The following PREX1 variants were observed in gnomAD, a reference collection of about 807,000 sequenced individuals.
The protein encoded by PREX1 is phosphatidylinositol 3,4,5-trisphosphate-dependent Rac exchanger 1 protein.
PREX1 carries 41 observed loss-of-function variants against 198.3 expected under a neutral mutation model. That is an observed-to-expected ratio of 0.21 (90% CI 0.16 to 0.27). PREX1 has a LOEUF of 0.27. Among genes scored for constraint, PREX1 ranks in the 10% least tolerant of loss-of-function variants. The pLI is 1.00. For missense variants in PREX1, 1,620 were observed against 2,200.7 expected, an observed-to-expected ratio of 0.74 and a Z score of 5.28; for synonymous variants, 843 against 887.2, an observed-to-expected ratio of 0.95 and a Z score of 0.89.
intron 33 of PREX1, 83 bp from the exon 34 acceptor site, chr20:48,632,722 G>A: frequency 1.3e-6 from 2 of 1,496,508 alleles, no homozygotes; most frequent in Non-Finnish European, 1.8e-6. Context: ...AGAACAGCTG[G>A]CACCTCCCTG....
chr20:48,860,033 G>A, the PREX1 span, among the ~76,000 whole-genome samples: 1 of 152,030 alleles, frequency 6.6e-6, no homozygotes, highest in African/African-American at 2.4e-5. Context: ...ACAAAAAAAA[G>A]AAAAGAAAAG....
chr20:48,745,239 A>C (rs752263439), intron 2 of PREX1, 92 bp from the exon 3 acceptor site: 102 of 1,388,384 alleles, frequency 7.3e-5, no homozygotes, highest in Non-Finnish European at 9.4e-5. Context: ...GGTGCGGGTG[A>C]CATTGTAGTC....
intron 7 of PREX1, among the ~76,000 whole-genome samples, chr20:48,698,522 C>A (rs1319671728): frequency 6.6e-6 from 1 of 151,982 alleles, no homozygotes; most frequent in East Asian, 1.9e-4. Flanking sequence ...AGAAAGGAGG[C>A]AGGGAAAGAG....
intron 1 of PREX1, among the ~76,000 whole-genome samples, chr20:48,785,327 G>A (rs1199920659): frequency 6.6e-6 from 1 of 152,234 alleles, no homozygotes; most frequent in Admixed American, 6.5e-5. Context: ...TACCAGCAGT[G>A]GCTGCCCCGC....
intron 1 of PREX1, among the ~76,000 whole-genome samples, chr20:48,772,112 C>A (rs6125462): frequency 0.27 from 40,501 of 152,022 alleles, 6,331 homozygotes; most frequent in Admixed American, 0.34. Flanking sequence ...GAGAATCGCT[C>A]GAACCTGGGA....
intron 31 of PREX1, among the ~76,000 whole-genome samples, chr20:48,637,094 C>T (rs958672889): frequency 6.6e-6 from 1 of 152,240 alleles, no homozygotes; most frequent in Non-Finnish European, 1.5e-5. Flanking sequence ...TGCAGTTTAG[C>T]ATTTTCTCTA....
intron 14 of PREX1, among the ~76,000 whole-genome samples, chr20:48,672,221 C>T (rs1293744576): frequency 1.3e-5 from 2 of 152,250 alleles, no homozygotes; most frequent in African/African-American, 2.4e-5. Flanking sequence ...CATCCCAGCT[C>T]AGTCAATGGC....
chr20:48,862,449 A>G, the PREX1 span, among the ~76,000 whole-genome samples: 1 of 152,052 alleles, frequency 6.6e-6, no homozygotes, highest in Middle Eastern at 3.2e-3. Context: ...ATCCAAGGAG[A>G]TAGGCACTAT....
the PREX1 span, among the ~76,000 whole-genome samples, chr20:48,876,031 G>A: frequency 1.6e-4 from 25 of 152,240 alleles, no homozygotes; most frequent in South Asian, 4.4e-3. Context: ...CAGATGGTTC[G>A]TAATAACTTG....
chr20:48,694,273 T>C (rs1324930935), intron 7 of PREX1, among the ~76,000 whole-genome samples: 1 of 152,174 alleles, frequency 6.6e-6, no homozygotes, highest in Non-Finnish European at 1.5e-5. Context: ...CTGAAGGGAC[T>C]AAAACAGTCA....
intron 5 of PREX1, 21 bp downstream of exon 5, chr20:48,726,269 T>G (rs375352632): frequency 1.4e-5 from 22 of 1,596,270 alleles, no homozygotes; most frequent in Non-Finnish European, 1.9e-5. Flanking sequence ...TTCTGTCACT[T>G]CAAATACGGG....
Position 48,666,392 on chromosome 20 carries a change from A to T in PREX1, c.1666-37T>A. 6.6e-7 allele frequency: 1 copy of T among 1,511,992 alleles called. No homozygotes were observed. The highest frequency in any genetic ancestry group is 9.0e-7 in the Non-Finnish European group (1 of 1,117,068). 93.7% of individuals were successfully genotyped at this position (1,511,992 alleles called of 1,614,324 possible). On this transcript the variant is annotated intron_variant, in intron 14 of 39. Transcript: ENST00000371941. This position sits in a 1 kb window ranked among gnomAD's most constrained non-coding sequence, Gnocchi z 4.3. ...CAAGAAGGGGAGGGTGTTAGGTGGC[A>T]GCATCCGAGAGGCCATGCATGGCCA...
upstream of PREX1, among the ~76,000 whole-genome samples, chr20:48,828,421 G>A (rs2090522919): frequency 6.6e-6 from 1 of 152,132 alleles, no homozygotes; most frequent in African/African-American, 2.4e-5. Context: ...CCGCTGCTCG[G>A]GCCAAGTAAA....
the PREX1 span, among the ~76,000 whole-genome samples, chr20:48,867,369 G>A: frequency 1.3e-4 from 20 of 152,196 alleles, no homozygotes; most frequent in Non-Finnish European, 2.1e-4. Context: ...GAGAGACCTT[G>A]AAAGCACCTA....
At chr20:48,631,975 A>G (rs755398549) in intron 35 of PREX1, among the ~76,000 whole-genome samples, 2 of 152,186 alleles carry the variant, frequency 1.3e-5, no homozygotes, top group Non-Finnish European at 2.9e-5. Flanking sequence ...TCTCAGTAGG[A>G]AAGACCCACT....
intron 3 of PREX1, among the ~76,000 whole-genome samples, chr20:48,742,108 C>T (rs1282203926): frequency 6.6e-6 from 1 of 152,098 alleles, no homozygotes. Flanking sequence ...CATCCTTGTG[C>T]CCGGGCATCA....
intron 1 of PREX1, among the ~76,000 whole-genome samples, chr20:48,824,863 G>A (rs564230311): frequency 6.6e-6 from 1 of 152,042 alleles, no homozygotes. Flanking sequence ...TACTTTCCAC[G>A]GTTTCCATGG....
At chr20:48,786,839 GAA>G (rs1314224878) in intron 1 of PREX1, among the ~76,000 whole-genome samples, 8 of 1,386 alleles carry the variant, frequency 5.8e-3, no homozygotes, top group Non-Finnish European at 7.4e-3. Flanking sequence ...GAGAAAGAAA[GAA>G]AAAGAGAGAG....
intron 2 of PREX1, 106 bp downstream of exon 2, chr20:48,747,703 T>G (rs1601111469): frequency 7.9e-7 from 1 of 1,271,278 alleles, no homozygotes; most frequent in Non-Finnish European, 1.1e-6. Context: ...AGCCAGCGGG[T>G]GATGCGCCTC....
Sources: gnomAD v4.1 joint callset for allele counts (sites outside exome capture counted in the v4.1 genomes callset) on GRCh38, gnomAD v4.1.1 for gene constraint, Gnocchi (gnomAD v3.1) non-coding constraint, MANE v1.5 for transcripts, NCBI Gene and HGNC (gene_info 2026-07-23, HGNC 2026-07-21) for gene names.